The following AK9 variants were observed in gnomAD, a reference collection of about 807,000 sequenced individuals.
The protein encoded by AK9 is adenylate kinase domain containing 1.
In AK9, 191 loss-of-function variants were observed where a neutral mutation model predicts 239.6. The ratio of observed to expected loss-of-function variants is 0.80; its 90% CI spans 0.71 to 0.90. AK9 has a LOEUF of 0.90. Among genes scored for constraint, AK9 ranks in the 40% least tolerant of loss-of-function variants. AK9 has a pLI of 0.00. For missense variants in AK9, 1,995 were observed against 2,214.7 expected, an observed-to-expected ratio of 0.90 and a Z score of 1.99; for synonymous variants, 689 against 721.0, an observed-to-expected ratio of 0.96 and a Z score of 0.71.
At chr6:109,650,457 G>A (rs1457516019) in intron 8 of AK9, among the ~76,000 whole-genome samples, 3 of 151,990 alleles carry the variant, frequency 2.0e-5, no homozygotes, top group Non-Finnish European at 4.4e-5. Flanking sequence ...AGACATTTCT[G>A]CAGCCAACAG....
intron 27 of AK9, among the ~76,000 whole-genome samples, chr6:109,537,111 G>T (rs1317210180): frequency 1.3e-5 from 2 of 152,052 alleles, no homozygotes; most frequent in Non-Finnish European, 2.9e-5. Flanking sequence ...GGATGATGTT[G>T]GCCTCATAAA....
chr6:109,667,881 A>T (rs545986312), intron 5 of AK9, among the ~76,000 whole-genome samples: 1 of 152,196 alleles, frequency 6.6e-6, no homozygotes, highest in African/African-American at 2.4e-5. Context: ...ATGTGTCCTT[A>T]TAACAGCATG....
chr6:109,649,103 G>C (rs1445026574), intron 8 of AK9, among the ~76,000 whole-genome samples: 8 of 152,074 alleles, frequency 5.3e-5, no homozygotes, highest in Non-Finnish European at 1.2e-4. Context: ...AAAATAATAA[G>C]AGTTATCTAT....
At chr6:109,554,525 CTTTTTTTTTT>C (rs3060760) in intron 24 of AK9, among the ~76,000 whole-genome samples, 3 of 77,444 alleles carry the variant, frequency 3.9e-5, no homozygotes, top group African/African-American at 8.7e-5. Flanking sequence ...TATTTCTTTT[CTTTTTTTTTT>C]TTTTTTTTTT....
At chr6:109,544,487 G>T (rs2064822) in intron 26 of AK9, among the ~76,000 whole-genome samples, 108,520 of 151,876 alleles carry the variant, frequency 0.71, 39,263 homozygotes, top group East Asian at 0.99. Context: ...CTGTCATGAC[G>T]GTAGTGAGTG....
At chr6:109,571,409 T>C (rs1435449997) in intron 21 of AK9, among the ~76,000 whole-genome samples, 1 of 152,190 alleles carries the variant, frequency 6.6e-6, no homozygotes, top group Admixed American at 6.5e-5. Flanking sequence ...ATAACTCTCT[T>C]GTAGGACTTT....
intron 28 of AK9, among the ~76,000 whole-genome samples, chr6:109,529,552 T>C (rs1170314792): frequency 1.3e-5 from 2 of 152,302 alleles, no homozygotes; most frequent in African/African-American, 4.8e-5. Context: ...GCTCATGACA[T>C]TTATTGTGCA....
intron 5 of AK9, among the ~76,000 whole-genome samples, chr6:109,662,887 A>C (rs1269951004): frequency 6.6e-6 from 1 of 152,050 alleles, no homozygotes; most frequent in Non-Finnish European, 1.5e-5. Context: ...CTAGAAGAAG[A>C]CATTTTTGAA....
chr6:109,535,399 G>C (rs1219810777), intron 27 of AK9, among the ~76,000 whole-genome samples: 1 of 152,210 alleles, frequency 6.6e-6, no homozygotes, highest in Non-Finnish European at 1.5e-5. Context: ...CTGCATAAAT[G>C]TCTTCGTTTG....
At chr6:109,632,869 A>AGATC (rs1796254223) in intron 12 of AK9, 54 bp downstream of exon 12, 1 of 1,503,008 alleles carries the variant, frequency 6.7e-7, no homozygotes, top group African/African-American at 1.5e-5. Flanking sequence ...AGACATAGAT[A>AGATC]GATAGATAGA....
chr6:109,545,866 C>G lies in AK9; in HGVS notation c.3225+1G>C. On this transcript the variant is annotated splice_donor_variant, in intron 26 of 40. Coordinates refer to ENST00000424296, the MANE Select transcript of AK9 (RefSeq NM_001145128.3). LOFTEE classifies it high-confidence loss of function. The stretch of plus-strand genomic sequence containing the variant: ...CAAAAAACAAAAAAAGAGATTACTA[C>G]CTGCTTTTTTGTATTTTCTTCCTCA... 1 of 1,588,148 alleles carries G rather than the reference C, an allele frequency of 6.3e-7. No individual in the cohort carries two copies. The highest frequency in any genetic ancestry group is 2.2e-5 in the East Asian group (1 of 44,730).
chr6:109,542,030 T>C lies in AK9; in HGVS notation c.3350+17A>G, dbSNP rs370822940. On this transcript the variant is annotated intron_variant, in intron 27 of 40. Transcript: ENST00000424296. ...ATAAAAGCAAATAAATGTACAATTCTATATAAATTAAGATACCGTATTGGT... is the reference window on the plus strand; with the variant it reads ...ATAAAAGCAAATAAATGTACAATTCCATATAAATTAAGATACCGTATTGGT... The C allele has an allele frequency of 3.7e-5, 57 of 1,538,850 alleles. No homozygotes were observed. Among genetic ancestry groups the C allele is most frequent in the Non-Finnish European group, 4.7e-5 (54 of 1,137,766 alleles).
intron 21 of AK9, among the ~76,000 whole-genome samples, chr6:109,569,807 T>G (rs1293610539): frequency 6.6e-6 from 1 of 151,986 alleles, no homozygotes; most frequent in Non-Finnish European, 1.5e-5. Context: ...TGTGGAGAAA[T>G]AGGAATGCTT....
intron 35 of AK9, among the ~76,000 whole-genome samples, chr6:109,505,183 T>A (rs755055862): frequency 1.1e-4 from 16 of 152,210 alleles, no homozygotes; most frequent in Admixed American, 5.9e-4. Context: ...GTGAAGCAAA[T>A]CAAGATACAG....
At chr6:109,581,557 C>T (rs138689060) in intron 19 of AK9, among the ~76,000 whole-genome samples, 19 of 152,264 alleles carry the variant, frequency 1.2e-4, no homozygotes, top group East Asian at 7.7e-4. Flanking sequence ...GGCCCTAATT[C>T]GCTTCAATTC....
At chr6:109,640,760 GA>G (rs1482270303) in intron 10 of AK9, among the ~76,000 whole-genome samples, 11 of 152,018 alleles carry the variant, frequency 7.2e-5, no homozygotes. Context: ...GAGCTTCTCA[GA>G]ATAGGTCAAA....
chr6:109,549,657 A>ATTTTTTTTTTTTTTTTTTTTTTT (rs1491473032), intron 25 of AK9: 2 of 122,352 alleles, frequency 1.6e-5, no homozygotes. Context: ...TTGAACTTAG[A>ATTTTTTTTTTTTTTTTTTTTTTT]TATTTTCTTT....
chr6:109,568,096 C>T (rs1786853717), intron 21 of AK9, among the ~76,000 whole-genome samples: 1 of 152,114 alleles, frequency 6.6e-6, no homozygotes, highest in Non-Finnish European at 1.5e-5. Context: ...AAGTTGGCTT[C>T]ATCCCTGGGA....
rs1773183260 is a variant in AK9 at position 109,684,587 on chromosome 6, A to C, written c.-12+6560T>G. ...CAAACAACCCCATCAAAAAGTAGGC[A>C]AAGGAGGCCGGGCGCGGTGGCTCAC... On this transcript the variant is annotated intron_variant, in intron 1 of 40. Coordinates refer to ENST00000424296, the MANE Select transcript of AK9 (RefSeq NM_001145128.3). Among the ~76,000 whole-genome samples the C allele has an allele frequency of 2.0e-5, 3 of 152,040 alleles. No individual in the cohort carries two copies. The South Asian group carries it at 6.2e-4, about 31-fold the overall frequency.
Sources: gnomAD v4.1 joint callset for allele counts (sites outside exome capture counted in the v4.1 genomes callset) on GRCh38, gnomAD v4.1.1 for gene constraint, MANE v1.5 for transcripts, NCBI Gene and HGNC (gene_info 2026-07-23, HGNC 2026-07-21) for gene names.